Variants in CLYBL observed in about 807,000 individuals in gnomAD.
CLYBL encodes citramalyl-CoA lyase, mitochondrial.
A neutral mutation model predicts 38.9 loss-of-function variants in CLYBL; 31 were observed. That is an observed-to-expected ratio of 0.80 (90% CI 0.60 to 1.08). CLYBL has a LOEUF of 1.08. Among genes scored for constraint, CLYBL ranks in the 50% least tolerant of loss-of-function variants. The pLI is 0.00. For missense variants in CLYBL, 434 were observed against 411.6 expected, an observed-to-expected ratio of 1.05 and a Z score of -0.47; for synonymous variants, 171 against 158.6, an observed-to-expected ratio of 1.08 and a Z score of -0.59.
intron 1 of CLYBL, among the ~76,000 whole-genome samples, chr13:99,759,074 T>C (rs959981280): frequency 6.6e-6 from 1 of 152,202 alleles, no homozygotes; most frequent in African/African-American, 2.4e-5. Flanking sequence ...TTCCATTTGC[T>C]GGAAAGCACT....
chr13:99,769,276 T>C (rs2049333619), intron 1 of CLYBL, among the ~76,000 whole-genome samples: 1 of 152,182 alleles, frequency 6.6e-6, no homozygotes, highest in African/African-American at 2.4e-5. Context: ...TACTATTTAA[T>C]ATCCAAGCCT....
At chr13:99,793,287 T>C (rs1411689541) in intron 2 of CLYBL, among the ~76,000 whole-genome samples, 1 of 152,086 alleles carries the variant, frequency 6.6e-6, no homozygotes, top group East Asian at 1.9e-4. Flanking sequence ...TCCTCTTCAA[T>C]AGGGGTGTGA....
At chr13:99,649,509 T>C (rs2047220716) in intron 1 of CLYBL, among the ~76,000 whole-genome samples, 1 of 152,182 alleles carries the variant, frequency 6.6e-6, no homozygotes, top group Admixed American at 6.5e-5. Flanking sequence ...ATCTTACTTA[T>C]TTGCCGATAA....
intron 1 of CLYBL, among the ~76,000 whole-genome samples, chr13:99,688,967 G>A (rs1367212045): frequency 6.6e-6 from 1 of 152,062 alleles, no homozygotes; most frequent in Non-Finnish European, 1.5e-5. Flanking sequence ...TGCACCTTTG[G>A]GACTGAGGCC....
At chr13:99,825,684 C>T (rs1178624800) in intron 2 of CLYBL, among the ~76,000 whole-genome samples, 1 of 152,144 alleles carries the variant, frequency 6.6e-6, no homozygotes, top group African/African-American at 2.4e-5. Flanking sequence ...ACGCTGAGAG[C>T]ACATCGTGCT....
chr13:99,791,976 T>A (rs1238474826), intron 2 of CLYBL, among the ~76,000 whole-genome samples: 2 of 152,158 alleles, frequency 1.3e-5, no homozygotes, highest in Non-Finnish European at 2.9e-5. Context: ...AAGAAAAGAC[T>A]CTAATGCCAG....
At chr13:99,862,125 T>C (rs2051617637) in intron 3 of CLYBL, among the ~76,000 whole-genome samples, 1 of 152,220 alleles carries the variant, frequency 6.6e-6, no homozygotes, top group African/African-American at 2.4e-5. Context: ...CCCTTTTCCT[T>C]TGATATCTAT....
chr13:99,661,991 A>C, intron 1 of CLYBL, among the ~76,000 whole-genome samples: 1 of 152,196 alleles, frequency 6.6e-6, no homozygotes, highest in East Asian at 1.9e-4. Context: ...AGGCAGTTCA[A>C]GTGTTTCTGC....
chr13:99,831,695 T>G (rs1186895783), intron 2 of CLYBL, among the ~76,000 whole-genome samples: 1 of 151,922 alleles, frequency 6.6e-6, no homozygotes, highest in African/African-American at 2.4e-5. Flanking sequence ...AAATACCCGC[T>G]TCTTGAGTGA....
chr13:99,905,307 C>T (rs2052685092), exon 9 of CLYBL, among the ~76,000 whole-genome samples: 1 of 152,114 alleles, frequency 6.6e-6, no homozygotes, highest in African/African-American at 2.4e-5. Flanking sequence ...TGTAGAGTTA[C>T]AACAAGAGGG....
chr13:99,791,211 C>T (rs9300565), intron 2 of CLYBL, among the ~76,000 whole-genome samples: 2 of 151,844 alleles, frequency 1.3e-5, no homozygotes. Context: ...GAATTTGAGT[C>T]CTGTAATCTC....
At position 99,858,938 on chromosome 13, in the gene CLYBL, C is replaced by A; in HGVS notation, c.327C>A (p.Asn109Lys). 1 of 1,614,064 alleles carries A rather than the reference C, an allele frequency of 6.2e-7. No homozygotes were observed. Among genetic ancestry groups the A allele is most frequent in the Non-Finnish European group, 8.5e-7 (1 of 1,179,956 alleles). ...CTACTGAAAAATGTGTGAGAGTCAA[C>A]TCAGTTTCCAGTGGTCTGGCGGAAG... Reference protein sequence around the residue: ...LGPTEKCVRVNSVSSGLAEED... With the variant: ...LGPTEKCVRVKSVSSGLAEED... The change falls in exon 3 of 9, where the codon AAC becomes AAA. Residue 109 changes from asparagine (N) to lysine (K), a missense_variant. Transcript: ENST00000339105.
chr13:99,787,827 A>G (rs2049830473), intron 2 of CLYBL, among the ~76,000 whole-genome samples: 1 of 152,214 alleles, frequency 6.6e-6, no homozygotes, highest in Non-Finnish European at 1.5e-5. Context: ...CTTCCTATCC[A>G]TGAGCATGGA....
At chr13:99,607,004 T>A (rs2139154748) in intron 1 of CLYBL, among the ~76,000 whole-genome samples, 1 of 152,326 alleles carries the variant, frequency 6.6e-6, no homozygotes, top group South Asian at 2.1e-4. Flanking sequence ...TTACCTGGAC[T>A]CAGCCCCAGG....
At chr13:99,884,405 T>A (rs1294560368) in intron 7 of CLYBL, among the ~76,000 whole-genome samples, 1 of 152,032 alleles carries the variant, frequency 6.6e-6, no homozygotes, top group African/African-American at 2.4e-5. Context: ...CTTCCTTCCC[T>A]CCTCCTGACC....
intron 7 of CLYBL, among the ~76,000 whole-genome samples, chr13:99,877,301 G>A (rs533176518): frequency 6.6e-6 from 1 of 152,208 alleles, no homozygotes; most frequent in East Asian, 1.9e-4. Context: ...TTTGTTCCTT[G>A]GACACCTTTC....
intron 1 of CLYBL, among the ~76,000 whole-genome samples, chr13:99,680,550 T>C (rs975295441): frequency 6.6e-6 from 1 of 152,180 alleles, no homozygotes; most frequent in African/African-American, 2.4e-5. Context: ...AATAAACCCC[T>C]CATCCTCAAT....
intron 1 of CLYBL, among the ~76,000 whole-genome samples, chr13:99,623,830 A>G (rs903046121): frequency 6.6e-6 from 1 of 151,998 alleles, no homozygotes; most frequent in Non-Finnish European, 1.5e-5. Flanking sequence ...ATGGTGGTGC[A>G]TACCTGTAAT....
At chr13:99,784,874 G>C (rs970733182) in intron 2 of CLYBL, among the ~76,000 whole-genome samples, 2 of 152,048 alleles carry the variant, frequency 1.3e-5, no homozygotes, top group Non-Finnish European at 2.9e-5. Context: ...CCAAAACAAG[G>C]TACCCATCCT....
Sources: allele counts gnomAD v4.1 joint callset (sites outside exome capture counted in the v4.1 genomes callset), GRCh38; gene constraint gnomAD v4.1.1; transcripts MANE v1.5; gene names NCBI Gene and HGNC (gene_info 2026-07-23, HGNC 2026-07-21).